Variants in RUNX1T1 observed in about 807,000 individuals in gnomAD.
RUNX1T1 encodes the protein RUNX1 partner transcriptional co-repressor 1, also known as protein CBFA2T1.
Under a neutral mutation model 62.8 loss-of-function variants are expected in RUNX1T1, and 4 were observed. The ratio of observed to expected loss-of-function variants is 0.06; its 90% CI spans 0.03 to 0.15. The LOEUF (loss-of-function observed/expected upper bound fraction) is 0.15, where lower values mean the gene tolerates loss of function less well. Ranked by LOEUF, RUNX1T1 falls within the 10% of genes least tolerant of loss-of-function variation. RUNX1T1 has a pLI of 1.00. For synonymous variants in RUNX1T1, 291 were observed against 286.0 expected, an observed-to-expected ratio of 1.02 and a Z score of -0.18; for missense variants, 508 against 754.3, an observed-to-expected ratio of 0.67 and a Z score of 3.82.
At chr8:92,060,146 C>T (rs955702564) in intron 1 of RUNX1T1, among the ~76,000 whole-genome samples, 2 of 152,002 alleles carry the variant, frequency 1.3e-5, no homozygotes, top group African/African-American at 4.8e-5. Flanking sequence ...TTTTCCTTTT[C>T]TTAAACACAA....
intron 3 of RUNX1T1, among the ~76,000 whole-genome samples, chr8:92,011,458 A>G (rs1395828062): frequency 6.6e-6 from 1 of 152,232 alleles, no homozygotes; most frequent in Non-Finnish European, 1.5e-5. Flanking sequence ...CAGATCACTT[A>G]AAGGACCGAG....
At chr8:92,090,392 C>G (rs973458573) in intron 1 of RUNX1T1, among the ~76,000 whole-genome samples, 1 of 151,948 alleles carries the variant, frequency 6.6e-6, no homozygotes, top group Admixed American at 6.6e-5. Context: ...GACTCAAGAA[C>G]TAAGGACTGG....
downstream of RUNX1T1, chr8:91,954,986 CTTTA>C (rs1411553925): frequency 5.1e-6 from 1 of 194,260 alleles, no homozygotes; most frequent in East Asian, 8.0e-5. Flanking sequence ...GCAAACACAA[CTTTA>C]TTTATTCACC....
chr8:91,973,443 G>A (rs1367631915), intron 9 of RUNX1T1, among the ~76,000 whole-genome samples: 2 of 151,906 alleles, frequency 1.3e-5, no homozygotes, highest in Non-Finnish European at 2.9e-5. Flanking sequence ...TTCAAGCACA[G>A]GGTATACTTG....
At chr8:92,060,412 G>A (rs1003130331) in intron 1 of RUNX1T1, among the ~76,000 whole-genome samples, 1 of 150,848 alleles carries the variant, frequency 6.6e-6, no homozygotes, top group Non-Finnish European at 1.5e-5. Flanking sequence ...ATCAGTTTGT[G>A]CACATCTGTT....
At chr8:92,002,837 T>C (rs896396807) in intron 5 of RUNX1T1, among the ~76,000 whole-genome samples, 3 of 152,130 alleles carry the variant, frequency 2.0e-5, no homozygotes, top group Non-Finnish European at 2.9e-5. Flanking sequence ...ATATAGTAGA[T>C]CTGGATATAC....
chr8:92,016,571 A>G (rs1287805217), intron 2 of RUNX1T1, among the ~76,000 whole-genome samples: 1 of 152,134 alleles, frequency 6.6e-6, no homozygotes, highest in African/African-American at 2.4e-5. Flanking sequence ...GCTACTCAGG[A>G]GGCTGAGGCA....
chr8:92,027,087 G>T (rs1278734268), intron 1 of RUNX1T1, among the ~76,000 whole-genome samples: 1 of 144,192 alleles, frequency 6.9e-6, no homozygotes, highest in Non-Finnish European at 1.5e-5. Context: ...CTGCGCTCCA[G>T]CCTGGGCGAC....
chr8:92,062,730 G>A (rs1832272562), exon 1 of RUNX1T1: 1 of 1,588,754 alleles, frequency 6.3e-7, no homozygotes, highest in South Asian at 1.1e-5. Context: ...GAGACAGATG[G>A]AGAGCTGACA....
At chr8:92,070,795 T>C (rs181372644) in intron 2 of RUNX1T1, among the ~76,000 whole-genome samples, 374 of 152,348 alleles carry the variant, frequency 2.5e-3, no homozygotes, top group African/African-American at 8.6e-3. Flanking sequence ...GGGAGGCACA[T>C]ATGTGCATCT....
chr8:92,093,693 C>T (rs1837370462), intron 1 of RUNX1T1, among the ~76,000 whole-genome samples: 1 of 152,148 alleles, frequency 6.6e-6, no homozygotes, highest in Admixed American at 6.5e-5. Flanking sequence ...AGGTGCCTGG[C>T]TGTTTCAGTA....
intron 4 of RUNX1T1, 74 bp from the exon 6 acceptor site, chr8:92,005,371 G>C (rs1262644434): frequency 2.3e-6 from 3 of 1,325,566 alleles, no homozygotes; most frequent in Admixed American, 4.6e-5. Flanking sequence ...TCTGCTTTTC[G>C]AACACTGGAG....
At chr8:91,963,780 T>G (rs1811024985) in intron 10 of RUNX1T1, among the ~76,000 whole-genome samples, 1 of 152,250 alleles carries the variant, frequency 6.6e-6, no homozygotes, top group Non-Finnish European at 1.5e-5. Flanking sequence ...TTGTGCATTT[T>G]ATATTCAAGA....
At chr8:92,038,080 T>A (rs1323044227) in intron 1 of RUNX1T1, among the ~76,000 whole-genome samples, 1 of 144,238 alleles carries the variant, frequency 6.9e-6, no homozygotes, top group African/African-American at 2.5e-5. Flanking sequence ...ATGTATTCTG[T>A]GAGACAGGGT....
chr8:92,095,709 G>A (rs71530219), intron 1 of RUNX1T1: 1 of 707,390 alleles, frequency 1.4e-6, no homozygotes, highest in South Asian at 2.8e-5. Context: ...CGGGGGCTCA[G>A]ACCCCAGGAT....
chr8:92,005,352 T>C (rs917303481), intron 4 of RUNX1T1, 55 bp from the exon 6 acceptor site: 7 of 1,520,996 alleles, frequency 4.6e-6, no homozygotes, highest in East Asian at 4.6e-5. Context: ...TTCTGTCCTG[T>C]TGACTTACTC....
chr8:92,069,512 A>C (rs139807339), intron 2 of RUNX1T1, among the ~76,000 whole-genome samples: 82 of 152,272 alleles, frequency 5.4e-4, no homozygotes, highest in African/African-American at 1.9e-3. Flanking sequence ...AATTATCAAA[A>C]TCTATGCACA....
intron 9 of RUNX1T1, among the ~76,000 whole-genome samples, chr8:91,973,885 C>T (rs1813367888): frequency 1.3e-5 from 2 of 151,996 alleles, no homozygotes; most frequent in South Asian, 4.1e-4. Context: ...AAACTATTCC[C>T]AAACTGTTTT....
intron 1 of RUNX1T1, among the ~76,000 whole-genome samples, chr8:92,089,949 A>G (rs1022800333): frequency 5.7e-5 from 7 of 121,940 alleles, no homozygotes; most frequent in Non-Finnish European, 1.1e-4. Context: ...AAAAAAAAAA[A>G]GCATTTTTTT....
Sources: gnomAD v4.1 joint callset for allele counts (sites outside exome capture counted in the v4.1 genomes callset) on GRCh38, gnomAD v4.1.1 for gene constraint, MANE v1.5 for transcripts, NCBI Gene and HGNC (gene_info 2026-07-23, HGNC 2026-07-21) for gene names.